Variants in TMPRSS15 observed in about 807,000 individuals in gnomAD.
The protein encoded by TMPRSS15 is transmembrane serine protease 15.
Under a neutral mutation model 125.3 loss-of-function variants are expected in TMPRSS15, and 128 were observed. The observed-to-expected ratio is 1.02, with a 90% CI of 0.89 to 1.18. The LOEUF (loss-of-function observed/expected upper bound fraction) is 1.18, where lower values mean the gene tolerates loss of function less well. TMPRSS15 is among the 50% of genes most tolerant of loss of function. TMPRSS15 has a pLI of 0.00. For synonymous variants in TMPRSS15, 446 were observed against 423.2 expected (o/e 1.05, Z -0.66); for missense variants, 1,283 against 1,212.7 (o/e 1.06, Z -0.86).
At chr21:18,404,988 G>A (rs2076138838), upstream of TMPRSS15, among the ~76,000 whole-genome samples, 1 of 151,910 alleles carries the variant, frequency 6.6e-6, no homozygotes, top group Non-Finnish European at 1.5e-5. Context: ...TTATATTCTA[G>A]GGGACAATTA....
At chr21:18,321,650 G>A (rs953022521) in intron 16 of TMPRSS15, among the ~76,000 whole-genome samples, 2 of 152,042 alleles carry the variant, frequency 1.3e-5, no homozygotes, top group Admixed American at 6.5e-5. Flanking sequence ...GTGCCCGGCC[G>A]CAAAAACGAT....
At chr21:18,314,292 T>C (rs2075134403) in intron 17 of TMPRSS15, among the ~76,000 whole-genome samples, 1 of 152,150 alleles carries the variant, frequency 6.6e-6, no homozygotes, top group African/African-American at 2.4e-5. Context: ...TTTTTTTCTT[T>C]TTTGAGATGG....
At chr21:18,319,675 C>T (rs754342861) in intron 16 of TMPRSS15, among the ~76,000 whole-genome samples, 3 of 152,022 alleles carry the variant, frequency 2.0e-5, no homozygotes, top group Non-Finnish European at 4.4e-5. Context: ...GTGATCTGGC[C>T]GCCTCGGCCT....
intron 7 of TMPRSS15, among the ~76,000 whole-genome samples, chr21:18,361,089 C>A (rs2075675988): frequency 6.6e-6 from 1 of 152,064 alleles, no homozygotes; most frequent in South Asian, 2.1e-4. Flanking sequence ...AATAATGTAT[C>A]TAGCTGCTGG....
chr21:18,308,819 C>T (rs2075064638), intron 18 of TMPRSS15, among the ~76,000 whole-genome samples: 1 of 152,146 alleles, frequency 6.6e-6, no homozygotes, highest in African/African-American at 2.4e-5. Context: ...TCAACTCCCA[C>T]TTATGAGTGA....
chr21:18,353,763 A>T lies in TMPRSS15; in HGVS notation c.981T>A (p.Phe327Leu). 8 of 1,611,698 alleles carry T rather than the reference A, an allele frequency of 5.0e-6. No homozygotes were observed. The highest frequency in any genetic ancestry group is 6.8e-6 in the Non-Finnish European group (8 of 1,178,372). ...IESDESDYVG[F>L]NATYTAFNSS... Reference sequence around the variant, plus strand: ...TGTTAAATGCAGTATATGTTGCATTAAAGCCAACATAATCACTTTCATCAG... The same window carrying T: ...TGTTAAATGCAGTATATGTTGCATTTAAGCCAACATAATCACTTTCATCAG... Residue 327 changes from phenylalanine (F) to leucine (L), a missense_variant, in exon 9 of 25, where the codon TTT (phenylalanine) becomes TTA (leucine). Transcript: ENST00000284885.
chr21:18,369,113 A>G (rs545241884), intron 6 of TMPRSS15, among the ~76,000 whole-genome samples: 67 of 152,296 alleles, frequency 4.4e-4, no homozygotes, highest in Admixed American at 3.9e-3. Context: ...TAAGTAGAAC[A>G]TAAATGAGCC....
chr21:18,349,534 G>A (rs1233772999), intron 10 of TMPRSS15, among the ~76,000 whole-genome samples: 5 of 152,132 alleles, frequency 3.3e-5, no homozygotes, highest in African/African-American at 1.2e-4. Flanking sequence ...AAACCTGCCT[G>A]GATAAGAGGA....
At chr21:18,345,762 ATC>A (rs2075502028) in intron 10 of TMPRSS15, among the ~76,000 whole-genome samples, 1 of 143,752 alleles carries the variant, frequency 7.0e-6, no homozygotes. Context: ...AAAAAAAAAA[ATC>A]CACTGAATAT....
chr21:18,374,444 C>T (rs566144241), intron 5 of TMPRSS15, among the ~76,000 whole-genome samples: 42 of 125,420 alleles, frequency 3.3e-4, no homozygotes, highest in African/African-American at 1.3e-3. Context: ...CTGCAGTCCG[C>T]AGTCCGGCCT....
At chr21:18,479,864 T>G (rs1261270810) in intron 1 of TMPRSS15, among the ~76,000 whole-genome samples, 1 of 152,046 alleles carries the variant, frequency 6.6e-6, no homozygotes, top group African/African-American at 2.4e-5. Context: ...GAAATACCAT[T>G]TGACCCAGCA....
At chr21:18,300,808 A>G (rs1269446718) in intron 18 of TMPRSS15, among the ~76,000 whole-genome samples, 1 of 152,194 alleles carries the variant, frequency 6.6e-6, no homozygotes, top group African/African-American at 2.4e-5. Flanking sequence ...TTTTTTAAAC[A>G]TATGCCTATT....
Position 18,428,713 on chromosome 21 carries a change from T to C in TMPRSS15, c.11-30384A>G, listed in dbSNP as rs568550002. ...TGAGGTTTGGGAACCTCTGCCTAGA[T>C]TTCAGAATATGTATGGAAATACCTG... is the stretch of plus-strand genomic sequence containing the variant. On this transcript the variant is annotated intron_variant, in intron 1 of 7. Coordinates refer to the TMPRSS15 transcript ENST00000422787. Among the ~76,000 whole-genome samples, 32 of 152,214 alleles carry C rather than the reference T, an allele frequency of 2.1e-4. 1 individual carries two copies. In the South Asian group the frequency reaches 5.2e-3, roughly 25 times the overall value.
At chr21:18,328,789 C>T (rs983755105) in intron 15 of TMPRSS15, among the ~76,000 whole-genome samples, 2 of 151,822 alleles carry the variant, frequency 1.3e-5, no homozygotes, top group African/African-American at 2.4e-5. Context: ...GGTTGTAACA[C>T]AAAGACAGGA....
chr21:18,381,461 A>G (rs1465985273), intron 4 of TMPRSS15, among the ~76,000 whole-genome samples: 2 of 152,310 alleles, frequency 1.3e-5, no homozygotes, highest in African/African-American at 2.4e-5. Flanking sequence ...GAAAATTCAC[A>G]TGATACAAAT....
chr21:18,312,981 T>TG lies in TMPRSS15; in HGVS notation c.2128dup (p.Gln710ProfsTer5). The stretch of plus-strand genomic sequence containing the variant: ...CAGTTGACAAACATCATTTGAAATC[T>TG]GGGTGGTCCAGTTCTCAGCACAAGC... On this transcript the variant is annotated frameshift_variant, in exon 18 of 25. Coordinates refer to ENST00000284885, the MANE Select transcript of TMPRSS15 (RefSeq NM_002772.3). LOFTEE classifies it high-confidence loss of function. The TG allele has an allele frequency of 6.2e-7, 1 of 1,614,074 alleles. No homozygotes were observed. The highest frequency in any genetic ancestry group is 8.5e-7 in the Non-Finnish European group (1 of 1,179,936).
intron 1 of TMPRSS15, among the ~76,000 whole-genome samples, chr21:18,428,772 C>T (rs147032607): frequency 7.7e-4 from 118 of 152,280 alleles, no homozygotes; most frequent in African/African-American, 2.4e-3. Context: ...CAGGGTGGGG[C>T]GCTCATGGAG....
At chr21:18,325,673 A>G (rs1243128142) in intron 16 of TMPRSS15, among the ~76,000 whole-genome samples, 4 of 152,086 alleles carry the variant, frequency 2.6e-5, no homozygotes, top group African/African-American at 9.7e-5. Context: ...ACATATTTGC[A>G]CCTGGAAAGA....
Position 18,313,019 on chromosome 21 carries a change from G to A in TMPRSS15, c.2091C>T (p.Ser697=), listed in dbSNP as rs547294416. The change falls in exon 18 of 25, where the codon AGC becomes AGT. Residue 697 remains serine, a synonymous_variant. Coordinates refer to ENST00000284885, the MANE Select transcript of TMPRSS15 (RefSeq NM_002772.3). The part of the protein sequence containing the change: ...NNGLVRFRIQ[S]IWHTACAENW... ...TCTCAGCACAAGCTGTATGCCATAT[G>A]CTCTGGATTCTGAACCGCACTAAAC... The A allele has an allele frequency of 2.1e-5, 34 of 1,613,926 alleles. No homozygotes were observed. The highest frequency in any genetic ancestry group is 2.9e-5 in the Non-Finnish European group (34 of 1,179,986).
Sources: gnomAD v4.1 joint callset for allele counts (sites outside exome capture counted in the v4.1 genomes callset) on GRCh38, gnomAD v4.1.1 for gene constraint, MANE v1.5 for transcripts, NCBI Gene and HGNC (gene_info 2026-07-23, HGNC 2026-07-21) for gene names.